The following MAP2 variants were observed in gnomAD, a reference collection of about 807,000 sequenced individuals.
MAP2 encodes microtubule-associated protein 2.
In MAP2, 14 loss-of-function variants were observed where a neutral mutation model predicts 137.6. The observed-to-expected ratio is 0.10, with a 90% confidence interval of 0.07 to 0.16. The LOEUF (loss-of-function observed/expected upper bound fraction) is 0.16. Among genes scored for constraint, MAP2 ranks in the 10% least tolerant of loss-of-function variants. MAP2 has a pLI of 1.00. For synonymous variants in MAP2, 786 were observed against 782.3 expected (o/e 1.00, Z -0.08); for missense variants, 2,088 against 2,191.5 (o/e 0.95, Z 0.94).
intron 4 of MAP2, among the ~76,000 whole-genome samples, chr2:209,640,674 C>G (rs1272956740): frequency 6.6e-6 from 1 of 151,814 alleles, no homozygotes; most frequent in Non-Finnish European, 1.5e-5. Context: ...TGTGGAGAAA[C>G]AATTGTTCAT....
intron 1 of MAP2, among the ~76,000 whole-genome samples, chr2:209,486,515 C>T (rs1324078547): frequency 1.3e-5 from 2 of 152,134 alleles, no homozygotes; most frequent in African/African-American, 2.4e-5. Flanking sequence ...AGCCGCCACA[C>T]CCAGCCTAGG....
chr2:209,424,972 C>CT (rs1692145140), intron 1 of MAP2, among the ~76,000 whole-genome samples: 1 of 150,476 alleles, frequency 6.6e-6, no homozygotes, highest in South Asian at 2.2e-4. Flanking sequence ...TTTTAAAAGG[C>CT]TTTTTTGGTG....
intron 1 of MAP2, among the ~76,000 whole-genome samples, chr2:209,502,850 C>A (rs764757561): frequency 1.3e-5 from 2 of 152,004 alleles, no homozygotes; most frequent in Non-Finnish European, 2.9e-5. Context: ...TATTAAACAC[C>A]TTTTCATAAA....
At chr2:209,717,048 G>A (rs58525719) in intron 13 of MAP2, among the ~76,000 whole-genome samples, 15,641 of 152,152 alleles carry the variant, frequency 0.1, 950 homozygotes, top group East Asian at 0.23. Context: ...TAAAATTAGT[G>A]AAATGTAGGG....
intron 2 of MAP2, among the ~76,000 whole-genome samples, chr2:209,578,778 G>A (rs941187321): frequency 2.6e-5 from 4 of 152,176 alleles, no homozygotes; most frequent in Admixed American, 6.5e-5. Context: ...ACATGGAGGG[G>A]ATACAGATTA....
At chr2:209,710,425 C>A in intron 13 of MAP2, 171 bp downstream of exon 13, 2 of 618,330 alleles carry the variant, frequency 3.2e-6, no homozygotes, top group Non-Finnish European at 5.5e-6. Context: ...TGAAATACAA[C>A]GAAAATCACA....
chr2:209,667,823 C>T (rs950735987), intron 5 of MAP2, among the ~76,000 whole-genome samples: 3 of 151,856 alleles, frequency 2.0e-5, no homozygotes, highest in Admixed American at 6.6e-5. Flanking sequence ...TACCTAGGAC[C>T]GGCCCTATGC....
intron 2 of MAP2, among the ~76,000 whole-genome samples, chr2:209,566,711 G>GT (rs1442926751): frequency 5.9e-5 from 9 of 151,892 alleles, no homozygotes; most frequent in African/African-American, 1.5e-4. Context: ...TTGTTTCTTT[G>GT]TTTTTTTGTT....
At chr2:209,717,840 T>C (rs1174979772) in intron 13 of MAP2, among the ~76,000 whole-genome samples, 1 of 152,188 alleles carries the variant, frequency 6.6e-6, no homozygotes, top group Non-Finnish European at 1.5e-5. Flanking sequence ...TTTTGTTTTG[T>C]TTCTTGTCCT....
At chr2:209,500,895 G>A (rs915183486) in intron 1 of MAP2, among the ~76,000 whole-genome samples, 5 of 151,580 alleles carry the variant, frequency 3.3e-5, no homozygotes, top group African/African-American at 1.2e-4. Flanking sequence ...AAATTAGTTG[G>A]GCATGGTGGT....
At chr2:209,617,215 A>G (rs1349927742) in intron 3 of MAP2, among the ~76,000 whole-genome samples, 1 of 152,146 alleles carries the variant, frequency 6.6e-6, no homozygotes, top group African/African-American at 2.4e-5. Flanking sequence ...AGAGATAGAC[A>G]AAAGGACAGG....
At chr2:209,696,519 T>C (rs2060232283) in intron 8 of MAP2, 23 bp from the exon 9 acceptor site, 1 of 1,581,052 alleles carries the variant, frequency 6.3e-7, no homozygotes, top group African/African-American at 1.4e-5. Flanking sequence ...GTTGTTGTTG[T>C]CATGATTTGC....
At chr2:209,575,518 C>CAAAAAAAAA (rs71043942) in intron 2 of MAP2, among the ~76,000 whole-genome samples, 2 of 28,384 alleles carry the variant, frequency 7.0e-5, no homozygotes, top group African/African-American at 8.5e-5. Flanking sequence ...GACTCCATCT[C>CAAAAAAAAA]AAAAAAAAAA....
chr2:209,684,240 C>T (rs540632387), intron 7 of MAP2, among the ~76,000 whole-genome samples: 47 of 152,278 alleles, frequency 3.1e-4, no homozygotes, highest in African/African-American at 1.1e-3. Context: ...TCTTTCTGCC[C>T]TTTTAGGTTT....
At chr2:209,517,140 C>T (rs1220543828) in intron 2 of MAP2, among the ~76,000 whole-genome samples, 2 of 152,102 alleles carry the variant, frequency 1.3e-5, no homozygotes, top group African/African-American at 4.8e-5. Flanking sequence ...CCTCCCTCTT[C>T]CGCCATACCT....
chr2:209,708,064 T>G (rs895673980), intron 12 of MAP2, among the ~76,000 whole-genome samples: 1 of 152,140 alleles, frequency 6.6e-6, no homozygotes, highest in African/African-American at 2.4e-5. Context: ...ACAGGGATGA[T>G]CCCTCTCCCC....
intron 3 of MAP2, among the ~76,000 whole-genome samples, chr2:209,618,927 A>G (rs996297813): frequency 2.0e-5 from 3 of 152,228 alleles, no homozygotes; most frequent in Admixed American, 2.0e-4. Flanking sequence ...GGATATATAC[A>G]TAATGAAATA....
intron 2 of MAP2, among the ~76,000 whole-genome samples, chr2:209,522,801 G>T (rs1031969740): frequency 2.0e-5 from 3 of 152,144 alleles, no homozygotes; most frequent in East Asian, 1.9e-4. Flanking sequence ...GTAACAAAAC[G>T]GTTGCATTCA....
At chr2:209,674,872 G>C (rs2050580571) in intron 5 of MAP2, among the ~76,000 whole-genome samples, 2 of 151,714 alleles carry the variant, frequency 1.3e-5, no homozygotes, top group South Asian at 4.2e-4. Context: ...CATGCTATAA[G>C]GATGAAGCTC....
Sources: allele counts gnomAD v4.1 joint callset (sites outside exome capture counted in the v4.1 genomes callset), GRCh38; gene constraint gnomAD v4.1.1; transcripts MANE v1.5; gene names NCBI Gene and HGNC (gene_info 2026-07-23, HGNC 2026-07-21).